Variants in DPYD observed in about 807,000 individuals in gnomAD.
DPYD encodes the protein dihydropyrimidine dehydrogenase [NADP(+)].
A neutral mutation model predicts 116.2 loss-of-function variants in DPYD; 109 were observed. That is an observed-to-expected ratio of 0.94 (90% CI 0.80 to 1.10). DPYD has a LOEUF of 1.10. Among genes scored for constraint, DPYD ranks in the 50% least tolerant of loss-of-function variants. The probability of loss-of-function intolerance (pLI) is 0.00; values close to 1 mark genes in which losing one functional copy is unlikely to be tolerated. For synonymous variants in DPYD, 440 were observed against 432.0 expected (o/e 1.02, Z -0.23); for missense variants, 1,302 against 1,254.5 (o/e 1.04, Z -0.57).
At chr1:97,380,559 C>T (rs1202327342) in intron 15 of DPYD, among the ~76,000 whole-genome samples, 1 of 152,166 alleles carries the variant, frequency 6.6e-6, no homozygotes, top group Admixed American at 6.6e-5. Flanking sequence ...CTCAGCTCTC[C>T]ATTGTGTAAT....
intron 7 of DPYD, among the ~76,000 whole-genome samples, chr1:97,683,503 A>G (rs1294726496): frequency 6.6e-6 from 1 of 151,910 alleles, no homozygotes; most frequent in East Asian, 1.9e-4. Context: ...ACTTTGGGAA[A>G]TGACAAATAT....
intron 20 of DPYD, among the ~76,000 whole-genome samples, chr1:97,099,364 T>C (rs1175192925): frequency 2.6e-5 from 4 of 152,112 alleles, no homozygotes; most frequent in Non-Finnish European, 5.9e-5. Flanking sequence ...GGTTATCCAA[T>C]TGTACTTTAC....
At chr1:97,584,718 A>G (rs1653960850) in intron 10 of DPYD, among the ~76,000 whole-genome samples, 1 of 144,612 alleles carries the variant, frequency 6.9e-6, no homozygotes, top group African/African-American at 2.6e-5. Context: ...CAAACACTGC[A>G]TGTTCTCATT....
intron 18 of DPYD, among the ~76,000 whole-genome samples, chr1:97,267,561 G>C (rs1487477459): frequency 6.6e-6 from 1 of 152,116 alleles, no homozygotes; most frequent in Non-Finnish European, 1.5e-5. Flanking sequence ...GCACACAAGA[G>C]AGAAAGAGAT....
At chr1:97,274,707 C>T (rs904087964) in intron 18 of DPYD, among the ~76,000 whole-genome samples, 3 of 152,070 alleles carry the variant, frequency 2.0e-5, no homozygotes, top group Non-Finnish European at 2.9e-5. Flanking sequence ...CTTTCAATGG[C>T]AAAACGCGCA....
intron 8 of DPYD, among the ~76,000 whole-genome samples, chr1:97,612,983 G>A (rs1036162152): frequency 6.6e-6 from 1 of 151,934 alleles, no homozygotes; most frequent in African/African-American, 2.4e-5. Flanking sequence ...GAATAATCTA[G>A]AATGAATGTT....
At chr1:97,320,338 C>T (rs996878583) in intron 16 of DPYD, among the ~76,000 whole-genome samples, 85 of 105,496 alleles carry the variant, frequency 8.1e-4, no homozygotes, top group South Asian at 1.9e-3. Flanking sequence ...AAAACCCCAT[C>T]GTCTCAGCCC....
intron 18 of DPYD, among the ~76,000 whole-genome samples, chr1:97,249,546 C>T (rs548060042): frequency 8.3e-4 from 126 of 151,102 alleles, no homozygotes; most frequent in African/African-American, 3.0e-3. Flanking sequence ...TTTCTGTAAC[C>T]CTGAATTAGG....
intron 13 of DPYD, among the ~76,000 whole-genome samples, chr1:97,485,013 C>A (rs192590470): frequency 6.6e-6 from 1 of 151,920 alleles, no homozygotes; most frequent in Non-Finnish European, 1.5e-5. Flanking sequence ...TCTTTGTCTC[C>A]GATTTTCTGT....
intron 20 of DPYD, among the ~76,000 whole-genome samples, chr1:97,137,141 T>C (rs985054506): frequency 1.3e-5 from 2 of 152,226 alleles, no homozygotes; most frequent in Non-Finnish European, 1.5e-5. Context: ...GTGTCTTTTG[T>C]TGCTGTGGAA....
chr1:97,259,966 C>T (rs942508536), intron 18 of DPYD, among the ~76,000 whole-genome samples: 4 of 151,988 alleles, frequency 2.6e-5, no homozygotes, highest in Non-Finnish European at 5.9e-5. Flanking sequence ...AGTTGAATGG[C>T]ATATAATGCA....
At chr1:97,598,603 GGGAGGGAGGGAGGGAA>G (rs1477936757) in intron 8 of DPYD, among the ~76,000 whole-genome samples, 2 of 151,400 alleles carry the variant, frequency 1.3e-5, no homozygotes, top group Non-Finnish European at 3.0e-5. Context: ...TGAAAAAGAA[GGGAGGGAGGGAGGGAA>G]GGAGGGAGGG....
At chr1:97,362,786 T>C (rs1303605230) in intron 16 of DPYD, among the ~76,000 whole-genome samples, 2 of 152,134 alleles carry the variant, frequency 1.3e-5, no homozygotes, top group Admixed American at 1.3e-4. Flanking sequence ...TCCTTACACC[T>C]TACACAAAAA....
At chr1:97,227,324 T>C (rs1225603910) in intron 19 of DPYD, among the ~76,000 whole-genome samples, 1 of 79,730 alleles carries the variant, frequency 1.3e-5, no homozygotes, top group African/African-American at 6.2e-5. Flanking sequence ...AGAGTGAGAC[T>C]CTATCTCAAA....
chr1:97,441,966 G>A (rs1675821765), intron 14 of DPYD, among the ~76,000 whole-genome samples: 5 of 152,044 alleles, frequency 3.3e-5, no homozygotes, highest in Admixed American at 3.3e-4. Flanking sequence ...TTCAATGCTT[G>A]TGGTCATAGA....
intron 16 of DPYD, among the ~76,000 whole-genome samples, chr1:97,345,789 T>G (rs1197565767): frequency 6.6e-6 from 1 of 151,938 alleles, no homozygotes; most frequent in Non-Finnish European, 1.5e-5. Context: ...ATGCATAGCA[T>G]TTGAATTCAG....
At chr1:97,351,833 A>G (rs1442074383) in intron 16 of DPYD, among the ~76,000 whole-genome samples, 1 of 152,164 alleles carries the variant, frequency 6.6e-6, no homozygotes, top group Non-Finnish European at 1.5e-5. Context: ...GGAGAAAAAC[A>G]TTTAAAAGGA....
At chr1:97,865,275 T>C (rs546233049) in intron 2 of DPYD, among the ~76,000 whole-genome samples, 1 of 152,056 alleles carries the variant, frequency 6.6e-6, no homozygotes. Context: ...ATGAGATGCA[T>C]TTAATTTTTC....
intron 2 of DPYD, among the ~76,000 whole-genome samples, chr1:97,880,322 GGCT>G (rs571487720): frequency 3.0e-3 from 448 of 151,812 alleles, no homozygotes; most frequent in African/African-American, 0.01. Context: ...ACTGGTTACT[GGCT>G]AGCTAGTGGG....
Sources: gnomAD v4.1 joint callset for allele counts (sites outside exome capture counted in the v4.1 genomes callset) on GRCh38, gnomAD v4.1.1 for gene constraint, MANE v1.5 for transcripts, NCBI Gene and HGNC (gene_info 2026-07-23, HGNC 2026-07-21) for gene names.